GRID2: variants seen among roughly 807,000 people sequenced by gnomAD.
The protein encoded by GRID2 is glutamate ionotropic receptor delta type subunit 2.
A neutral mutation model predicts 114.8 loss-of-function variants in GRID2; 33 were observed. That is an observed-to-expected ratio of 0.29 (90% confidence interval 0.22 to 0.38). The LOEUF (loss-of-function observed/expected upper bound fraction) is 0.38, where lower values mean the gene tolerates loss of function less well. Among genes scored for constraint, GRID2 ranks in the 10% least tolerant of loss-of-function variants. GRID2 has a pLI of 1.00. For synonymous variants in GRID2, 505 were observed against 449.9 expected, an observed-to-expected ratio of 1.12 and a Z score of -1.55; for missense variants, 1,184 against 1,257.7, an observed-to-expected ratio of 0.94 and a Z score of 0.89.
At chr4:93,230,557 A>ATAAAGT (rs1746012177) in intron 7 of GRID2, among the ~76,000 whole-genome samples, 3 of 152,184 alleles carry the variant, frequency 2.0e-5, no homozygotes, top group African/African-American at 4.8e-5. Flanking sequence ...GCAAGTCACA[A>ATAAAGT]TAAAGTTAAT....
intron 14 of GRID2, among the ~76,000 whole-genome samples, chr4:93,744,835 T>C (rs2110264881): frequency 6.6e-6 from 1 of 152,290 alleles, no homozygotes. Context: ...CCCTCATTGT[T>C]ATCTTACTTC....
chr4:93,192,747 C>CA (rs775968274), intron 4 of GRID2, among the ~76,000 whole-genome samples: 6,349 of 42,494 alleles, frequency 0.15, 624 homozygotes, highest in African/African-American at 0.31. Flanking sequence ...AACTCCATCT[C>CA]AAAAAAAAAA....
intron 2 of GRID2, among the ~76,000 whole-genome samples, chr4:92,838,229 A>G (rs1742608127): frequency 6.6e-6 from 1 of 152,092 alleles, no homozygotes; most frequent in Non-Finnish European, 1.5e-5. Flanking sequence ...TGTGTATTAT[A>G]CAATACATAA....
chr4:92,441,832 G>A (rs1429988478), intron 1 of GRID2, among the ~76,000 whole-genome samples: 1 of 152,054 alleles, frequency 6.6e-6, no homozygotes, highest in African/African-American at 2.4e-5. Context: ...GATACAAGAG[G>A]AGGACGCAAA....
chr4:92,344,414 C>G (rs1191348346), intron 1 of GRID2, among the ~76,000 whole-genome samples: 1 of 152,158 alleles, frequency 6.6e-6, no homozygotes, highest in Admixed American at 6.5e-5. Flanking sequence ...CATTATATTT[C>G]CCTTTATTAC....
At chr4:92,627,715 A>C (rs1440451768) in intron 2 of GRID2, among the ~76,000 whole-genome samples, 2 of 152,188 alleles carry the variant, frequency 1.3e-5, no homozygotes, top group African/African-American at 4.8e-5. Context: ...CATTCTTCTA[A>C]AAGTATATTT....
chr4:93,070,079 A>T (rs182411070), intron 2 of GRID2, among the ~76,000 whole-genome samples: 1 of 152,098 alleles, frequency 6.6e-6, no homozygotes, highest in African/African-American at 2.4e-5. Context: ...TTTAAGTTGC[A>T]CACAAAAAGT....
At chr4:93,165,289 A>G (rs978319098) in intron 4 of GRID2, among the ~76,000 whole-genome samples, 9 of 152,112 alleles carry the variant, frequency 5.9e-5, no homozygotes, top group African/African-American at 1.4e-4. Flanking sequence ...GTTCTTTTCT[A>G]TAAATTCATA....
intron 1 of GRID2, among the ~76,000 whole-genome samples, chr4:92,462,564 G>A (rs1186934609): frequency 6.6e-6 from 1 of 151,654 alleles, no homozygotes; most frequent in Non-Finnish European, 1.5e-5. Flanking sequence ...TTTGTTTTCT[G>A]ACAACTCAAG....
intron 8 of GRID2, among the ~76,000 whole-genome samples, chr4:93,289,042 A>G (rs1753470418): frequency 6.6e-6 from 1 of 152,216 alleles, no homozygotes; most frequent in Non-Finnish European, 1.5e-5. Flanking sequence ...CTGTAATATA[A>G]TAAGAAACCT....
chr4:92,416,872 CT>C (rs1201760831), intron 1 of GRID2, among the ~76,000 whole-genome samples: 1 of 151,896 alleles, frequency 6.6e-6, no homozygotes, highest in Admixed American at 6.6e-5. Flanking sequence ...CTTAGTCTTG[CT>C]TTAGCTATGC....
intron 8 of GRID2, among the ~76,000 whole-genome samples, chr4:93,315,741 C>T (rs1756510547): frequency 6.6e-6 from 1 of 151,932 alleles, no homozygotes; most frequent in Non-Finnish European, 1.5e-5. Context: ...TATCTCATTA[C>T]CCTGAAATGC....
At chr4:92,529,963 A>G (rs1725247422) in intron 1 of GRID2, among the ~76,000 whole-genome samples, 1 of 152,148 alleles carries the variant, frequency 6.6e-6, no homozygotes, top group Admixed American at 6.6e-5. Flanking sequence ...TGTAGACAAC[A>G]TGATATACTT....
At chr4:92,528,138 T>A (rs1181219875) in intron 1 of GRID2, among the ~76,000 whole-genome samples, 2 of 151,922 alleles carry the variant, frequency 1.3e-5, no homozygotes, top group African/African-American at 4.8e-5. Flanking sequence ...ATTACTCTTC[T>A]TAAAACACAG....
chr4:92,875,557 TATA>T (rs1745570102), intron 2 of GRID2, among the ~76,000 whole-genome samples: 1 of 152,212 alleles, frequency 6.6e-6, no homozygotes, highest in Admixed American at 6.5e-5. Context: ...GTTTAATAAA[TATA>T]ATTTTACTGC....
chr4:93,740,711 T>G (rs1731290676), intron 14 of GRID2, among the ~76,000 whole-genome samples: 1 of 152,156 alleles, frequency 6.6e-6, no homozygotes, highest in African/African-American at 2.4e-5. Flanking sequence ...TGAACTTACT[T>G]CTTAAAATCT....
chr4:93,738,211 C>G (rs1431999260), intron 14 of GRID2, among the ~76,000 whole-genome samples: 3 of 152,084 alleles, frequency 2.0e-5, no homozygotes, highest in African/African-American at 7.2e-5. Context: ...TAGAGAGACT[C>G]CTGGACTGCA....
At chr4:92,965,060 G>C (rs1429885536) in intron 2 of GRID2, among the ~76,000 whole-genome samples, 1 of 151,888 alleles carries the variant, frequency 6.6e-6, no homozygotes, top group East Asian at 1.9e-4. Context: ...TTGATTTAAA[G>C]TGAGAGAGGT....
At chr4:92,350,579 T>C (rs1249032317) in intron 1 of GRID2, among the ~76,000 whole-genome samples, 1 of 151,806 alleles carries the variant, frequency 6.6e-6, no homozygotes, top group Non-Finnish European at 1.5e-5. Flanking sequence ...TTTTTATTTG[T>C]TTGTTGACGT....
Sources: allele counts gnomAD v4.1 joint callset (sites outside exome capture counted in the v4.1 genomes callset), GRCh38; gene constraint gnomAD v4.1.1; transcripts MANE v1.5; gene names NCBI Gene and HGNC (gene_info 2026-07-23, HGNC 2026-07-21).